Variants in CEP63 observed in about 807,000 individuals in gnomAD.
CEP63 encodes the protein centrosomal protein of 63 kDa.
CEP63 carries 84 observed loss-of-function variants against 89.1 expected under a neutral mutation model. The ratio of observed to expected loss-of-function variants is 0.94; its 90% CI spans 0.79 to 1.13. The LOEUF (loss-of-function observed/expected upper bound fraction) is 1.13, where lower values mean the gene tolerates loss of function less well. Among genes scored for constraint, CEP63 ranks in the 50% most tolerant of loss-of-function variants. The probability of loss-of-function intolerance (pLI) is 0.00; values close to 1 mark genes in which losing one functional copy is unlikely to be tolerated. For missense variants in CEP63, 838 were observed against 813.3 expected, an observed-to-expected ratio of 1.03 and a Z score of -0.37; for synonymous variants, 267 against 272.5, an observed-to-expected ratio of 0.98 and a Z score of 0.20.
At chr3:134,666,227 G>A in the CEP63 span, among the ~76,000 whole-genome samples, 723 of 152,248 alleles carry the variant, frequency 4.7e-3, 3 homozygotes, top group Non-Finnish European at 7.1e-3. Context: ...GAAGCCACAC[G>A]GGATCACAGC....
At chr3:134,508,368 C>T (rs563243284) in intron 3 of CEP63, among the ~76,000 whole-genome samples, 10 of 152,132 alleles carry the variant, frequency 6.6e-5, no homozygotes, top group South Asian at 6.2e-4. Flanking sequence ...ACACACCATG[C>T]GAAAATACAG....
chr3:134,591,365 GC>G (rs1256149972), downstream of CEP63, among the ~76,000 whole-genome samples: 7 of 152,118 alleles, frequency 4.6e-5, no homozygotes, highest in Admixed American at 6.6e-5. Context: ...TTCATTCACT[GC>G]TCTGTGAGTG....
downstream of CEP63, among the ~76,000 whole-genome samples, chr3:134,566,998 C>G (rs1957793708): frequency 6.6e-6 from 1 of 152,056 alleles, no homozygotes; most frequent in African/African-American, 2.4e-5. Context: ...ACAATAACAC[C>G]AAAGTGGAAG....
intron 3 of CEP63, among the ~76,000 whole-genome samples, chr3:134,525,741 T>C (rs1007766140): frequency 2.6e-5 from 4 of 152,222 alleles, no homozygotes; most frequent in Non-Finnish European, 5.9e-5. Flanking sequence ...AAATTTCTTT[T>C]CTTTAAGAAT....
chr3:134,582,031 A>G (rs1958368413), intron 10 of CEP63, among the ~76,000 whole-genome samples: 1 of 152,180 alleles, frequency 6.6e-6, no homozygotes, highest in African/African-American at 2.4e-5. Context: ...AAAAAGCATG[A>G]TCAAATAAAA....
At chr3:134,620,833 C>T in the CEP63 span, 174 of 1,612,534 alleles carry the variant, frequency 1.1e-4, 1 homozygote, top group African/African-American at 2.0e-3. Context: ...CTCACCAGTT[C>T]GTCTAGGCCA....
the CEP63 span, among the ~76,000 whole-genome samples, chr3:134,769,892 A>G: frequency 1.3e-5 from 2 of 152,254 alleles, no homozygotes; most frequent in Non-Finnish European, 2.9e-5. Context: ...TCCCTCTCAT[A>G]TCATGTGCTA....
chr3:134,679,148 T>C, the CEP63 span, among the ~76,000 whole-genome samples: 7 of 152,366 alleles, frequency 4.6e-5, no homozygotes, highest in Admixed American at 1.3e-4. Flanking sequence ...ATATTTTTCA[T>C]TTATTTGATA....
At chr3:134,507,505 A>G (rs1028142283) in intron 3 of CEP63, among the ~76,000 whole-genome samples, 1 of 152,188 alleles carries the variant, frequency 6.6e-6, no homozygotes, top group East Asian at 1.9e-4. Context: ...GGTTACATAT[A>G]ATATATACAT....
chr3:134,592,295 CT>C (rs1476558710), downstream of CEP63, among the ~76,000 whole-genome samples: 2 of 152,174 alleles, frequency 1.3e-5, no homozygotes, highest in African/African-American at 4.8e-5. Context: ...CTTTTATATC[CT>C]AGTTTTGAGT....
chr3:134,662,283 G>A, the CEP63 span, among the ~76,000 whole-genome samples: 246 of 146,014 alleles, frequency 1.7e-3, no homozygotes, highest in Middle Eastern at 0.01. Context: ...TCTCAAAAAA[G>A]AAAAAAAAAA....
intron 6 of CEP63, among the ~76,000 whole-genome samples, chr3:134,539,910 T>C (rs553472537): frequency 6.6e-6 from 1 of 152,192 alleles, no homozygotes; most frequent in Non-Finnish European, 1.5e-5. Flanking sequence ...TTAAGAGATT[T>C]ACGATGAATA....
intron 11 of CEP63, 119 bp from the exon 12 acceptor site, chr3:134,551,807 G>A (rs1311718364): frequency 2.6e-5 from 8 of 310,774 alleles, no homozygotes; most frequent in African/African-American, 6.8e-5. Flanking sequence ...ATATGTATAT[G>A]TATATATATA....
the CEP63 span, among the ~76,000 whole-genome samples, chr3:134,695,687 C>G: frequency 1.3e-5 from 2 of 152,212 alleles, no homozygotes; most frequent in Non-Finnish European, 2.9e-5. Context: ...GGTGCACATG[C>G]CTCTCTACTT....
chr3:134,502,322 G>A (rs1377322847), intron 2 of CEP63, among the ~76,000 whole-genome samples: 1 of 152,002 alleles, frequency 6.6e-6, no homozygotes, highest in Non-Finnish European at 1.5e-5. Context: ...TTGGTATCAG[G>A]GTGATGTTGG....
At chr3:134,774,286 C>T in the CEP63 span, among the ~76,000 whole-genome samples, 22 of 152,192 alleles carry the variant, frequency 1.4e-4, no homozygotes, top group Non-Finnish European at 1.9e-4. Flanking sequence ...CTCAGTCACA[C>T]AGCCAAGAAA....
chr3:134,774,570 G>A, the CEP63 span, among the ~76,000 whole-genome samples: 6 of 152,150 alleles, frequency 3.9e-5, no homozygotes, highest in African/African-American at 1.4e-4. Flanking sequence ...GAATAGAAAC[G>A]TGCAATGTTA....
chr3:134,520,675 A>T lies in CEP63; in HGVS notation c.223-11170A>T, dbSNP rs115338586. ...TATATTAAGACAGTGTGGTATTGCA[A>T]GGATAGAAAAACAGACCAATGGAAC... is the stretch of plus-strand genomic sequence containing the variant. On this transcript the variant is annotated intron_variant, in intron 3 of 14. Coordinates refer to ENST00000675561, the MANE Select transcript of CEP63 (RefSeq NM_001353108.3). 3.4e-3 allele frequency among the ~76,000 whole-genome samples: 525 copies of T among 152,312 alleles called. 7 individuals are homozygous for T. The highest frequency in any genetic ancestry group is 0.012 in the African/African-American group (506 of 41,578).
intron 1 of CEP63, among the ~76,000 whole-genome samples, chr3:134,494,933 T>G (rs1939254356): frequency 6.6e-6 from 1 of 152,208 alleles, no homozygotes; most frequent in African/African-American, 2.4e-5. Context: ...CTGACATGTG[T>G]GAACCCATTT....
Sources: allele counts gnomAD v4.1 joint callset (sites outside exome capture counted in the v4.1 genomes callset), GRCh38; gene constraint gnomAD v4.1.1; transcripts MANE v1.5; gene names NCBI Gene and HGNC (gene_info 2026-07-23, HGNC 2026-07-21).